The following ARL5B variants were observed in gnomAD, a reference collection of about 807,000 sequenced individuals.
ARL5B encodes the protein ARF like GTPase 5B.
Under a neutral mutation model 26.9 loss-of-function variants are expected in ARL5B, and 10 were observed. That is an observed-to-expected ratio of 0.37 (90% CI 0.23 to 0.63). The LOEUF is 0.63. Ranked by LOEUF, ARL5B falls within the 30% of genes least tolerant of loss-of-function variation. The pLI, the probability that ARL5B is intolerant of heterozygous loss-of-function variation, is 0.62. For missense variants in ARL5B, 167 were observed against 213.9 expected, an observed-to-expected ratio of 0.78 and a Z score of 1.37; for synonymous variants, 87 against 70.4, an observed-to-expected ratio of 1.24 and a Z score of -1.18.
chr10:18,675,109 A>G, intron 5 of ARL5B, 59 bp from the exon 6 acceptor site: 3 of 1,506,936 alleles, frequency 2.0e-6, no homozygotes, highest in Non-Finnish European at 2.8e-6. Context: ...AATAATAAGT[A>G]CGCTTTCAGT....
intron 3 of ARL5B, among the ~76,000 whole-genome samples, chr10:18,670,282 A>G (rs1276569745): frequency 2.6e-5 from 4 of 152,180 alleles, no homozygotes; most frequent in Non-Finnish European, 4.4e-5. Context: ...ACATTTATAC[A>G]GTAAAATAAT....
At position 18,659,446 on chromosome 10, in the gene ARL5B, A is replaced by G; in HGVS notation, c.-192A>G. On this transcript the variant is annotated 5_prime_UTR_variant, in exon 1 of 6. Coordinates refer to ENST00000377275, the MANE Select transcript of ARL5B (RefSeq NM_178815.5). Reference sequence around the variant, plus strand: ...CGTTGGGCTCAGTGGGCTCGAAACAAAGGGCTGTCCGGTGGGGATTCGTCG... The same window carrying G: ...CGTTGGGCTCAGTGGGCTCGAAACAGAGGGCTGTCCGGTGGGGATTCGTCG... The G allele has an allele frequency of 2.9e-6, 2 of 686,328 alleles. No individual in the cohort carries two copies. Among genetic ancestry groups the G allele is most frequent in the Non-Finnish European group, 4.6e-6 (2 of 437,872 alleles). 42.5% of individuals were successfully genotyped at this position (686,328 alleles called of 1,614,324 possible).
At position 18,675,381 on chromosome 10, in the gene ARL5B, C is replaced by A; in HGVS notation, c.*165C>A. 1 of 612,772 alleles carries A rather than the reference C, an allele frequency of 1.6e-6. No homozygotes were observed. Among genetic ancestry groups the A allele is most frequent in the Non-Finnish European group, 2.8e-6 (1 of 358,382 alleles). 38.0% of individuals were successfully genotyped at this position (612,772 alleles called of 1,614,324 possible). ...TGAACTGGAACATAAAAGATTTTTT[C>A]TTAACTTTTTTTTTTTAACACACTA... On this transcript the variant is annotated 3_prime_UTR_variant, in exon 6 of 6. Coordinates refer to ENST00000377275, the MANE Select transcript of ARL5B (RefSeq NM_178815.5).
chr10:18,680,301 C>T lies in ARL5B; in HGVS notation c.*5085C>T, dbSNP rs2131656676. 6.6e-6 allele frequency: 1 copy of T among 152,064 alleles called. No individual in the cohort carries two copies. The highest frequency in any genetic ancestry group is 1.5e-5 in the Non-Finnish European group (1 of 67,886). The allele number at this position is 152,064 out of a possible 1,614,324, so 9.4% of individuals were successfully genotyped here. Reference sequence around the variant, plus strand: ...TCCTTGGAGACTTTGTTTTGTTTTACTCTTGTTTACCAGCTGGGCCAACAT... The same window carrying T: ...TCCTTGGAGACTTTGTTTTGTTTTATTCTTGTTTACCAGCTGGGCCAACAT... On this transcript the variant is annotated 3_prime_UTR_variant, in exon 6 of 6. Transcript: ENST00000377275.
At chr10:18,672,573 T>C in intron 3 of ARL5B, 49 bp from the exon 4 acceptor site, 1 of 1,443,340 alleles carries the variant, frequency 6.9e-7, no homozygotes, top group South Asian at 1.2e-5. Flanking sequence ...ACAGAAAACT[T>C]TTCAGCATCC....
At chr10:18,669,146 A>T (rs768461095) in intron 3 of ARL5B, among the ~76,000 whole-genome samples, 43 of 152,082 alleles carry the variant, frequency 2.8e-4, no homozygotes, top group Non-Finnish European at 5.6e-4. Flanking sequence ...TTCATAAATG[A>T]GACTTAAGAA....
chr10:18,671,328 C>T (rs576432033), intron 3 of ARL5B, among the ~76,000 whole-genome samples: 2 of 152,184 alleles, frequency 1.3e-5, no homozygotes, highest in East Asian at 1.9e-4. Context: ...CACACCACCA[C>T]ACCTGGCTGA....
At chr10:18,667,138 C>G (rs541030449) in intron 2 of ARL5B, among the ~76,000 whole-genome samples, 2 of 152,314 alleles carry the variant, frequency 1.3e-5, no homozygotes, top group South Asian at 4.1e-4. Context: ...ATTTTCACAG[C>G]TCATCATTCC....
At chr10:18,669,089 G>T (rs2059875285) in intron 3 of ARL5B, among the ~76,000 whole-genome samples, 1 of 151,912 alleles carries the variant, frequency 6.6e-6, no homozygotes, top group East Asian at 1.9e-4. Flanking sequence ...ATCCTTTTTT[G>T]TAGGGAATTT....
At chr10:18,667,397 G>A (rs2059866105) in intron 2 of ARL5B, among the ~76,000 whole-genome samples, 1 of 152,112 alleles carries the variant, frequency 6.6e-6, no homozygotes, top group African/African-American at 2.4e-5. Flanking sequence ...AAAGTTTGTT[G>A]TTTCAGAGTT....
chr10:18,667,097 C>T (rs1450466670), intron 2 of ARL5B, among the ~76,000 whole-genome samples: 1 of 152,220 alleles, frequency 6.6e-6, no homozygotes, highest in African/African-American at 2.4e-5. Flanking sequence ...AGTCTTGAGA[C>T]TTTCAGAGAA....
intron 2 of ARL5B, among the ~76,000 whole-genome samples, chr10:18,667,782 G>C (rs2059868285): frequency 1.3e-5 from 2 of 152,034 alleles, no homozygotes; most frequent in African/African-American, 4.8e-5. Flanking sequence ...TAAGGGTGGA[G>C]TGCAATGGCG....
intron 2 of ARL5B, among the ~76,000 whole-genome samples, chr10:18,666,934 C>T (rs917424507): frequency 6.6e-6 from 1 of 152,120 alleles, no homozygotes; most frequent in Non-Finnish European, 1.5e-5. Context: ...TTAGTTCTTA[C>T]CCCACTTGGG....
chr10:18,671,467 C>A (rs1209530230), intron 3 of ARL5B, among the ~76,000 whole-genome samples: 1 of 152,070 alleles, frequency 6.6e-6, no homozygotes, highest in Non-Finnish European at 1.5e-5. Flanking sequence ...CTGCACCTAG[C>A]CTGTTTCCCT....
chr10:18,672,674 AAGAAGAATTATAC>A lies in ARL5B; in HGVS notation c.313_325del (p.Glu105CysfsTer21). On this transcript the variant is annotated frameshift_variant, in exon 4 of 6. Transcript: ENST00000377275. LOFTEE classifies it high-confidence loss of function. ...GACAGGGAACGACTAGCTATTACAA[AAGAAGAATTATAC>A]AGAATGTTGGCTCATGAGGTAAATT... is the stretch of plus-strand genomic sequence containing the variant. The A allele has an allele frequency of 6.2e-7, 1 of 1,610,792 alleles. No individual in the cohort carries two copies. The highest frequency in any genetic ancestry group is 8.5e-7 in the Non-Finnish European group (1 of 1,178,284).
In ARL5B at chr10:18,674,049, A is replaced by C. The variant is rs745466512; in HGVS notation, c.405A>C (p.Ala135=). Residue 135 remains alanine, a synonymous_variant, in exon 5 of 6, where the codon GCA becomes GCC. Coordinates refer to ENST00000377275, the MANE Select transcript of ARL5B (RefSeq NM_178815.5). ...NKQDMKGCMT[A]AEISKYLTLS... is the part of the protein sequence containing the mutation. ...AGGATATGAAAGGGTGTATGACAGC[A>C]GCTGAAATCTCGAAATACCTCACCC... The C allele has an allele frequency of 1.2e-6, 2 of 1,613,638 alleles. No individual in the cohort carries two copies. Among genetic ancestry groups the C allele is most frequent in the South Asian group, 2.2e-5 (2 of 91,056 alleles).
rs530095618 is a variant in ARL5B, at chr10:18,674,573, G to A, written c.491+438G>A. On this transcript the variant is annotated intron_variant, in intron 5 of 5. Coordinates refer to ENST00000377275, the MANE Select transcript of ARL5B (RefSeq NM_178815.5). ...AGGTCTTTTGGGAGGCATATTTCCA[G>A]ACAATAAACAGTTGAGACAAATGCC... 2.0e-5 allele frequency among the ~76,000 whole-genome samples: 3 copies of A among 152,232 alleles called. No individual in the cohort carries two copies. In the East Asian group the frequency reaches 5.8e-4, roughly 29 times the overall value.
intron 1 of ARL5B, among the ~76,000 whole-genome samples, chr10:18,662,684 T>C (rs2059842180): frequency 1.3e-5 from 2 of 151,870 alleles, no homozygotes; most frequent in African/African-American, 2.4e-5. Context: ...TCATCAGTTA[T>C]TTCTTTTTTT....
Position 18,677,236 on chromosome 10 carries a change from C to G in ARL5B, c.*2020C>G, listed in dbSNP as rs2059914203. On this transcript the variant is annotated 3_prime_UTR_variant, in exon 6 of 6. Coordinates refer to ENST00000377275, the MANE Select transcript of ARL5B (RefSeq NM_178815.5). ...TTGTATCTAGTAAGATTGGCTGGCT[C>G]AATTTTCTTCTGTCAAATTATATGG... The G allele has an allele frequency of 6.6e-6, 1 of 151,934 alleles. No homozygotes were observed. Among genetic ancestry groups the G allele is most frequent in the Admixed American group, 6.6e-5 (1 of 15,178 alleles). 9.4% of individuals were successfully genotyped at this position (151,934 alleles called of 1,614,324 possible).
Sources: allele counts gnomAD v4.1 joint callset (sites outside exome capture counted in the v4.1 genomes callset), GRCh38; gene constraint gnomAD v4.1.1; transcripts MANE v1.5; gene names NCBI Gene and HGNC (gene_info 2026-07-23, HGNC 2026-07-21).